CTNNAL1: variants seen among roughly 807,000 people sequenced by gnomAD.
The protein encoded by CTNNAL1 is alpha-catulin.
CTNNAL1 carries 69 observed loss-of-function variants against 93.6 expected under a neutral mutation model. That is an observed-to-expected ratio of 0.74 (90% CI 0.61 to 0.90). The LOEUF (loss-of-function observed/expected upper bound fraction) is 0.90, where lower values mean the gene tolerates loss of function less well. Ranked by LOEUF, CTNNAL1 falls within the 40% of genes least tolerant of loss-of-function variation. The pLI, the probability that CTNNAL1 is intolerant of heterozygous loss-of-function variation, is 0.00. For missense variants in CTNNAL1, 836 were observed against 862.0 expected (o/e 0.97, Z 0.38); for synonymous variants, 286 against 305.4 (o/e 0.94, Z 0.66).
At chr9:108,972,864 G>GGGGGCCCCCCT in intron 8 of CTNNAL1, 31 bp from the exon 9 acceptor site, 1 of 142,590 alleles carries the variant, frequency 7.0e-6, no homozygotes, top group Non-Finnish European at 1.0e-5. Flanking sequence ...GGGGGGGTGG[G>GGGGGCCCCCCT]AGGGTGGAGA....
intron 14 of CTNNAL1, among the ~76,000 whole-genome samples, chr9:108,949,941 T>C (rs1180480289): frequency 2.0e-5 from 3 of 150,156 alleles, no homozygotes; most frequent in East Asian, 3.9e-4. Context: ...TGAGAATTGC[T>C]TGAACTCAGG....
intron 2 of CTNNAL1, among the ~76,000 whole-genome samples, chr9:108,997,277 C>A (rs565427784): frequency 6.6e-6 from 1 of 152,260 alleles, no homozygotes; most frequent in South Asian, 2.1e-4. Flanking sequence ...TCTTCCTGCT[C>A]TTTACAGCCC....
chr9:108,972,891 A>T, intron 8 of CTNNAL1, 58 bp from the exon 9 acceptor site: 1 of 1,465,748 alleles, frequency 6.8e-7, no homozygotes, highest in Non-Finnish European at 9.0e-7. Context: ...AGGGTGATGA[A>T]GGAAAGAAAA....
intron 3 of CTNNAL1, 135 bp downstream of exon 3, chr9:108,992,497 A>G (rs931019183): frequency 8.8e-7 from 1 of 1,137,150 alleles, no homozygotes; most frequent in African/African-American, 1.6e-5. Context: ...TGTATCCTGC[A>G]TTGCACATTA....
At chr9:108,975,724 A>G (rs562890074) in intron 8 of CTNNAL1, among the ~76,000 whole-genome samples, 1 of 152,302 alleles carries the variant, frequency 6.6e-6, no homozygotes, top group East Asian at 1.9e-4. Context: ...TTTTCTGTGA[A>G]GGGCCAGAGA....
intron 11 of CTNNAL1, among the ~76,000 whole-genome samples, chr9:108,956,846 G>A (rs1382441777): frequency 6.6e-6 from 1 of 151,994 alleles, no homozygotes; most frequent in African/African-American, 2.4e-5. Flanking sequence ...TGGCTAGTCT[G>A]TACTGAGATG....
intron 10 of CTNNAL1, among the ~76,000 whole-genome samples, chr9:108,968,149 T>G (rs1383462429): frequency 2.0e-5 from 3 of 152,246 alleles, no homozygotes; most frequent in Non-Finnish European, 4.4e-5. Context: ...TCTCAACTAG[T>G]GTACAAACTG....
At chr9:109,010,580 G>T (rs1827176332) in intron 1 of CTNNAL1, among the ~76,000 whole-genome samples, 1 of 152,060 alleles carries the variant, frequency 6.6e-6, no homozygotes, top group African/African-American at 2.4e-5. Context: ...TTCCCTAAGT[G>T]CTTCTTATCA....
chr9:108,975,124 C>T (rs7038583), intron 8 of CTNNAL1, among the ~76,000 whole-genome samples: 16,873 of 152,098 alleles, frequency 0.11, 1,124 homozygotes, highest in African/African-American at 0.14. Context: ...GATCACGCCA[C>T]TGCACTCCAG....
chr9:108,992,836 G>A lies in CTNNAL1; in HGVS notation c.332-17C>T. The A allele has an allele frequency of 6.3e-7, 1 of 1,596,338 alleles. No homozygotes were observed. Among genetic ancestry groups the A allele is most frequent in the Non-Finnish European group, 8.5e-7 (1 of 1,172,434 alleles). On this transcript the variant is annotated splice_polypyrimidine_tract_variant and intron_variant, in intron 2 of 18. Coordinates refer to ENST00000325551, the MANE Select transcript of CTNNAL1 (RefSeq NM_003798.4). ...TTGTTTCTCCTAACAAGAAAGACGA[G>A]GGGAGAAAGTTAAACAGGCATACAA... is the stretch of plus-strand genomic sequence containing the variant.
chr9:108,966,573 G>A (rs1456844590), intron 10 of CTNNAL1, among the ~76,000 whole-genome samples: 2 of 152,188 alleles, frequency 1.3e-5, no homozygotes, highest in East Asian at 3.9e-4. Flanking sequence ...CTGAGGGCTA[G>A]CGAGGCACAA....
chr9:108,983,432 C>G (rs1831499766), intron 5 of CTNNAL1, 117 bp from the exon 6 acceptor site: 2 of 1,155,208 alleles, frequency 1.7e-6, no homozygotes. Context: ...TCTCCTGGGT[C>G]CCTGGCTCAC....
intron 8 of CTNNAL1, 31 bp from the exon 9 acceptor site, chr9:108,972,864 G>GGGGGGGGGGGGCCC: frequency 7.0e-6 from 1 of 142,584 alleles, no homozygotes; most frequent in Non-Finnish European, 1.0e-5. Flanking sequence ...GGGGGGGTGG[G>GGGGGGGGGGGGCCC]AGGGTGGAGA....
chr9:108,975,298 G>A (rs966766117), intron 8 of CTNNAL1, among the ~76,000 whole-genome samples: 5 of 150,810 alleles, frequency 3.3e-5, no homozygotes, highest in Non-Finnish European at 5.9e-5. Context: ...GCCTCAAAGC[G>A]CAGGGAGCAA....
chr9:109,003,630 C>A (rs775487642), intron 1 of CTNNAL1, among the ~76,000 whole-genome samples: 4 of 152,076 alleles, frequency 2.6e-5, no homozygotes, highest in Non-Finnish European at 5.9e-5. Flanking sequence ...CATTTTTGAA[C>A]AGGACTGTAT....
intron 8 of CTNNAL1, 31 bp from the exon 9 acceptor site, chr9:108,972,864 G>GGGGGCCCC: frequency 2.0e-4 from 28 of 142,442 alleles, no homozygotes; most frequent in Non-Finnish European, 2.5e-4. Flanking sequence ...GGGGGGGTGG[G>GGGGGCCCC]AGGGTGGAGA....
At chr9:108,955,881 T>C in intron 11 of CTNNAL1, 54 bp from the exon 12 acceptor site, 3 of 1,104,440 alleles carry the variant, frequency 2.7e-6, no homozygotes, top group Non-Finnish European at 3.8e-6. Context: ...TATTTTTCTA[T>C]TATTCATAGT....
chr9:108,959,128 G>C (rs943042224), intron 11 of CTNNAL1, among the ~76,000 whole-genome samples: 1 of 151,254 alleles, frequency 6.6e-6, no homozygotes, highest in Non-Finnish European at 1.5e-5. Context: ...GGGAGGCTGA[G>C]GCAGGCAGAT....
At chr9:108,964,842 T>TTTTATTTA (rs368745715) in intron 11 of CTNNAL1, among the ~76,000 whole-genome samples, 5,131 of 136,182 alleles carry the variant, frequency 0.038, 88 homozygotes, top group African/African-American at 0.053. Context: ...ATGCTGTTTG[T>TTTTATTTA]TTTATTTATT....
Sources: gnomAD v4.1 joint callset for allele counts (sites outside exome capture counted in the v4.1 genomes callset) on GRCh38, gnomAD v4.1.1 for gene constraint, MANE v1.5 for transcripts, NCBI Gene and HGNC (gene_info 2026-07-23, HGNC 2026-07-21) for gene names.